The following XKR9 variants were observed in gnomAD, a reference collection of about 807,000 sequenced individuals.
XKR9 encodes XK related 9, also known as XK-related protein 9.
In XKR9, 32 loss-of-function variants were observed where a neutral mutation model predicts 32.0. The ratio of observed to expected loss-of-function variants is 1.00; its 90% CI spans 0.76 to 1.34. The LOEUF (loss-of-function observed/expected upper bound fraction) is 1.34, where lower values mean the gene tolerates loss of function less well. Ranked by LOEUF, XKR9 falls within the 40% of genes most tolerant of loss-of-function variation. The probability of loss-of-function intolerance (pLI) is 0.00; values close to 1 mark genes in which losing one functional copy is unlikely to be tolerated. For synonymous variants in XKR9, 168 were observed against 143.4 expected, an observed-to-expected ratio of 1.17 and a Z score of -1.22; for missense variants, 546 against 429.7, an observed-to-expected ratio of 1.27 and a Z score of -2.39.
At chr8:70,884,140 T>C in the XKR9 span, among the ~76,000 whole-genome samples, 4 of 152,188 alleles carry the variant, frequency 2.6e-5, no homozygotes, top group Non-Finnish European at 5.9e-5. Context: ...GGTCATATGG[T>C]ATGGAATGTG....
the XKR9 span, among the ~76,000 whole-genome samples, chr8:70,985,528 A>G: frequency 6.6e-6 from 1 of 152,202 alleles, no homozygotes; most frequent in Non-Finnish European, 1.5e-5. Context: ...TATTATCATA[A>G]ACAAGGCTGA....
the XKR9 span, among the ~76,000 whole-genome samples, chr8:70,905,928 A>C: frequency 6.6e-6 from 1 of 152,220 alleles, no homozygotes; most frequent in Non-Finnish European, 1.5e-5. Context: ...TCACCAGCGG[A>C]GGCTGCAGAA....
the XKR9 span, among the ~76,000 whole-genome samples, chr8:70,837,798 A>G: frequency 6.6e-6 from 1 of 152,090 alleles, no homozygotes; most frequent in Non-Finnish European, 1.5e-5. Context: ...GGCCATGGAA[A>G]ATGTGCATTC....
At chr8:70,811,139 C>T in the XKR9 span, among the ~76,000 whole-genome samples, 309 of 152,258 alleles carry the variant, frequency 2.0e-3, 8 homozygotes, top group Middle Eastern at 0.014. Context: ...AAGAAACTCA[C>T]TCAAAACCGC....
At chr8:71,019,748 TGG>T in the XKR9 span, among the ~76,000 whole-genome samples, 1 of 152,198 alleles carries the variant, frequency 6.6e-6, no homozygotes, top group African/African-American at 2.4e-5. Flanking sequence ...TACAAATTTG[TGG>T]ACGGATGTTA....
the XKR9 span, among the ~76,000 whole-genome samples, chr8:71,043,081 T>G: frequency 2.6e-5 from 4 of 152,144 alleles, no homozygotes; most frequent in Non-Finnish European, 5.9e-5. Flanking sequence ...GAGCTTTCCT[T>G]AGATCTCAAC....
At chr8:70,723,595 T>C (rs1479103100) in intron 4 of XKR9, among the ~76,000 whole-genome samples, 7 of 152,246 alleles carry the variant, frequency 4.6e-5, no homozygotes, top group Non-Finnish European at 8.8e-5. Context: ...TGCTGGAGTT[T>C]TCTGGAGGTC....
At chr8:70,685,062 A>C in intron 3 of XKR9, among the ~76,000 whole-genome samples, 1 of 150,626 alleles carries the variant, frequency 6.6e-6, no homozygotes, top group Non-Finnish European at 1.5e-5. Context: ...TGATTGCAGC[A>C]CTATTCACAA....
chr8:70,731,167 A>G (rs1806650365), intron 4 of XKR9, among the ~76,000 whole-genome samples: 1 of 152,164 alleles, frequency 6.6e-6, no homozygotes. Flanking sequence ...AGCACACCAG[A>G]TTTGCTACAG....
chr8:70,858,624 G>A, the XKR9 span, among the ~76,000 whole-genome samples: 1 of 152,112 alleles, frequency 6.6e-6, no homozygotes, highest in African/African-American at 2.4e-5. Context: ...CAAAGCTATA[G>A]TAATTAAATC....
chr8:70,813,516 G>T, the XKR9 span, among the ~76,000 whole-genome samples: 2 of 152,066 alleles, frequency 1.3e-5, no homozygotes, highest in Non-Finnish European at 2.9e-5. Context: ...CCTACAAAAT[G>T]GGAGAAAATT....
chr8:70,959,533 A>G, the XKR9 span, among the ~76,000 whole-genome samples: 5 of 152,196 alleles, frequency 3.3e-5, no homozygotes, highest in Admixed American at 2.6e-4. Flanking sequence ...ATATCCCTAT[A>G]CATATGTTTT....
intron 3 of XKR9, 138 bp from the exon 4 acceptor site, chr8:70,706,795 A>C (rs1805730920): frequency 1.4e-6 from 1 of 699,474 alleles, no homozygotes; most frequent in Non-Finnish European, 2.3e-6. Context: ...ATGTTCACAA[A>C]AAATCTGTAG....
At chr8:70,991,031 A>T in the XKR9 span, among the ~76,000 whole-genome samples, 1 of 152,194 alleles carries the variant, frequency 6.6e-6, no homozygotes, top group African/African-American at 2.4e-5. Context: ...AGGGTGGGAG[A>T]CAAGACATCT....
intron 2 of XKR9, among the ~76,000 whole-genome samples, chr8:70,741,441 C>T (rs1419137595): frequency 3.3e-5 from 5 of 152,216 alleles, no homozygotes; most frequent in Admixed American, 2.0e-4. Context: ...TTACCCAGTC[C>T]CTGGTATTCA....
the XKR9 span, among the ~76,000 whole-genome samples, chr8:70,907,169 T>A: frequency 1.4e-4 from 21 of 152,232 alleles, no homozygotes; most frequent in African/African-American, 5.1e-4. Context: ...TCATAAAATT[T>A]ATGTTTTGCC....
the XKR9 span, among the ~76,000 whole-genome samples, chr8:70,853,671 C>T: frequency 6.6e-6 from 1 of 152,022 alleles, no homozygotes; most frequent in Non-Finnish European, 1.5e-5. Flanking sequence ...TGCTATCCCT[C>T]CCTCACTCCC....
intron 4 of XKR9, among the ~76,000 whole-genome samples, chr8:70,713,585 A>G (rs1413934782): frequency 6.6e-6 from 1 of 152,162 alleles, no homozygotes; most frequent in African/African-American, 2.4e-5. Flanking sequence ...TAGTAAGTAT[A>G]TGGGTGATTC....
chr8:70,923,650 G>A, the XKR9 span, among the ~76,000 whole-genome samples: 2 of 152,202 alleles, frequency 1.3e-5, no homozygotes, highest in Admixed American at 1.3e-4. Context: ...TTTCCACACT[G>A]ACTTCTCCTC....
Sources: allele counts gnomAD v4.1 joint callset (sites outside exome capture counted in the v4.1 genomes callset), GRCh38; gene constraint gnomAD v4.1.1; transcripts MANE v1.5; gene names NCBI Gene and HGNC (gene_info 2026-07-23, HGNC 2026-07-21).